Variants in PARP3 observed in about 807,000 individuals in gnomAD.
PARP3 encodes the protein protein mono-ADP-ribosyltransferase PARP3.
Under a neutral mutation model 58.2 loss-of-function variants are expected in PARP3, and 46 were observed. The ratio of observed to expected loss-of-function variants is 0.79; its 90% CI spans 0.62 to 1.01. PARP3 has a LOEUF of 1.01. Among genes scored for constraint, PARP3 ranks in the 50% least tolerant of loss-of-function variants. PARP3 has a pLI of 0.00. For synonymous variants in PARP3, 252 were observed against 266.4 expected (o/e 0.95, Z 0.53); for missense variants, 663 against 683.9 (o/e 0.97, Z 0.34).
Position 51,946,591 on chromosome 3 carries a change from G to T in PARP3, c.1276+248G>T, listed in dbSNP as rs1228006041. On this transcript the variant is annotated intron_variant, in intron 9 of 10. Transcript: ENST00000398755. The surrounding 1 kb of genome is among the most constrained non-coding windows in gnomAD (Gnocchi z 4.6). ...TGGGTGCACCAACCAGACCTGGGAG[G>T]GGGTAAAAGGGGAGCCTTTGAGCCA... 6.6e-6 allele frequency among the ~76,000 whole-genome samples: 1 copy of T among 152,076 alleles called. No individual in the cohort carries two copies. The highest frequency in any genetic ancestry group is 1.5e-5 in the Non-Finnish European group (1 of 68,008).
intron 10 of PARP3, 62 bp downstream of exon 10, chr3:51,947,957 AT>A: frequency 6.6e-7 from 1 of 1,522,080 alleles, no homozygotes; most frequent in Non-Finnish European, 9.0e-7. Flanking sequence ...GGGCTGGGAC[AT>A]TTTCAGGGAG....
intron 2 of PARP3, 40 bp downstream of exon 2, chr3:51,943,578 T>C (rs1186222968): frequency 1.3e-6 from 2 of 1,566,092 alleles, no homozygotes; most frequent in South Asian, 1.2e-5. Context: ...GCCTGCCCAC[T>C]GATAAGCACA....
intron 9 of PARP3, among the ~76,000 whole-genome samples, chr3:51,947,387 G>A (rs572340503): frequency 1.5e-4 from 23 of 152,266 alleles, no homozygotes; most frequent in African/African-American, 5.5e-4. Flanking sequence ...GAGTGGCGGG[G>A]TGGAGGGCTT....
Position 51,944,950 on chromosome 3 carries a change from G to T in PARP3, c.634+40G>T. On this transcript the variant is annotated intron_variant, in intron 5 of 10. Coordinates refer to ENST00000398755, the MANE Select transcript of PARP3 (RefSeq NM_001003931.4). This position sits in a 1 kb window ranked among gnomAD's most constrained non-coding sequence, Gnocchi z 4.2. ...GCAGGCAGGGTGGCAGGGGCCTCAG[G>T]GTGGCAGGGCTGTGGGGCTGAGTCT... 1 of 1,613,022 alleles carries T rather than the reference G, an allele frequency of 6.2e-7. No individual in the cohort carries two copies. Among genetic ancestry groups the T allele is most frequent in the Non-Finnish European group, 8.5e-7 (1 of 1,179,644 alleles).
intron 8 of PARP3, 54 bp downstream of exon 8, chr3:51,945,993 TCCTTGGCTAATCGGTC>T: frequency 2.0e-6 from 3 of 1,509,526 alleles, no homozygotes; most frequent in Non-Finnish European, 2.8e-6. Context: ...TAGGAAGATG[TCCTTGGCTAATCGGTC>T]CCTTAGCAAA....
In PARP3 at chr3:51,945,016, T is replaced by C. The variant is rs1699638635; in HGVS notation, c.653T>C (p.Leu218Pro). ...CCCCTAGATGTGAAGAAGATGCCCC[T>C]GGGAAAGCTGAGCAAGCAACAGATT... is the stretch of plus-strand genomic sequence containing the variant. ...LMDLDVKKMP[L>P]GKLSKQQIAR... is the part of the protein sequence containing the mutation. Residue 218 changes from leucine (L) to proline (P), a missense_variant, in exon 6 of 11, where the codon CTG becomes CCG. Transcript: ENST00000398755. 6.2e-7 allele frequency: 1 copy of C among 1,613,748 alleles called. No homozygotes were observed. The highest frequency in any genetic ancestry group is 1.3e-5 in the African/African-American group (1 of 74,856).
Position 51,947,813 on chromosome 3 carries a change from C to T in PARP3, c.1350C>T (p.His450=). 1 of 1,614,114 alleles carries T rather than the reference C, an allele frequency of 6.2e-7. No homozygotes were observed. The highest frequency in any genetic ancestry group is 8.5e-7 in the Non-Finnish European group (1 of 1,180,006). The change falls in exon 10 of 11, where the codon CAC becomes CAT. Residue 450 remains histidine, a synonymous_variant. Transcript: ENST00000398755. ...FLGEVALGRE[H]HINTDNPSLK... ...GTGAGGTGGCCCTGGGCAGAGAGCA[C>T]CATATCAACACGGACAACCCCAGCT...
rs755552511 is a variant in PARP3, at chr3:51,944,535, T to A, written c.458T>A (p.Ile153Asn). 2.5e-6 allele frequency: 4 copies of A among 1,614,052 alleles called. No individual in the cohort carries two copies. Among genetic ancestry groups the A allele is most frequent in the East Asian group, 4.5e-5 (2 of 44,896 alleles). Reference protein sequence around the residue: ...FVSHPGKYTLIEVQAEDEAQE... With the variant: ...FVSHPGKYTLNEVQAEDEAQE... The stretch of plus-strand genomic sequence containing the variant: ...TCTCACCCGGGCAAGTACACACTTA[T>A]CGAAGTACAGGCAGAGGATGAGGCC... Residue 153 changes from isoleucine to asparagine, a missense_variant, in exon 4 of 11, where the codon ATC becomes AAC. Physicochemically the swap from Ile to Asn is moderately radical, Grantham distance 149 (BLOSUM62 -3). This residue lies in a region of PARP3 where 567 missense variants were observed against 553.6 expected (regional missense o/e 1.02). Transcript: ENST00000398755. This position sits in a 1 kb window ranked among gnomAD's most constrained non-coding sequence, Gnocchi z 4.2.
chr3:51,945,824 C>T, intron 7 of PARP3, 29 bp from the exon 8 acceptor site: 1 of 1,601,620 alleles, frequency 6.2e-7, no homozygotes, highest in Non-Finnish European at 8.6e-7. Context: ...GCCTCCCACC[C>T]TGGCAACCAG....
Position 51,944,675 on chromosome 3 carries a change from A to T in PARP3, c.501+97A>T. The T allele has an allele frequency of 6.4e-7, 1 of 1,573,892 alleles. No individual in the cohort carries two copies. The highest frequency in any genetic ancestry group is 8.6e-7 in the Non-Finnish European group (1 of 1,156,240). On this transcript the variant is annotated intron_variant, in intron 4 of 10. Transcript: ENST00000398755. The surrounding 1 kb of genome is among the most constrained non-coding windows in gnomAD (Gnocchi z 4.2). ...GGGCTCTGCCACTGCCCAGCTGCGC[A>T]GCCTCAGCCACAGAACTCCCCTCTG...
intron 1 of PARP3, 93 bp from the exon 2 acceptor site, chr3:51,943,261 G>A (rs1699586003): frequency 7.6e-7 from 1 of 1,311,972 alleles, no homozygotes. Context: ...AGTTGGTGCT[G>A]TGCTGGCCCA....
intron 6 of PARP3, 53 bp downstream of exon 6, chr3:51,945,277 A>C: frequency 6.4e-7 from 1 of 1,558,674 alleles, no homozygotes; most frequent in Non-Finnish European, 8.8e-7. Flanking sequence ...CAGACAGCCT[A>C]GGCGAGCGAG....
chr3:51,944,830 T>C lies in PARP3; in HGVS notation c.554T>C (p.Leu185Pro). Residue 185 changes from leucine (L) to proline (P), a missense_variant, in exon 5 of 11, where the codon CTG (leucine) becomes CCG (proline). Leu to Pro is a moderately conservative substitution (Grantham distance 98). Transcript: ENST00000398755. The surrounding 1 kb of genome is among the most constrained non-coding windows in gnomAD (Gnocchi z 4.2). ...ACTAAGCGGGTGCAGCCCTGCTCCC[T>C]GGACCCAGCCACGCAGAAGCTCATC... ...TVTKRVQPCS[L>P]DPATQKLITN... 6.2e-7 allele frequency: 1 copy of C among 1,613,934 alleles called. No homozygotes were observed. The highest frequency in any genetic ancestry group is 8.5e-7 in the Non-Finnish European group (1 of 1,179,998).
rs747082212 is a variant in PARP3 at position 51,945,952 on chromosome 3, C to T, written c.1098+13C>T. On this transcript the variant is annotated intron_variant, in intron 8 of 10. Coordinates refer to ENST00000398755, the MANE Select transcript of PARP3 (RefSeq NM_001003931.4). ...CCAAGAAGGGGAGGTGAGGGAGGTT[C>T]CCCCACCTCTCCCCCATCACCACTG... is the stretch of plus-strand genomic sequence containing the variant. The T allele has an allele frequency of 1.2e-5, 19 of 1,602,826 alleles. No homozygotes were observed. The highest frequency in any genetic ancestry group is 2.2e-5 in the East Asian group (1 of 44,830).
At position 51,944,215 on chromosome 3, in the gene PARP3, G is replaced by A. The variant is rs756424008; in HGVS notation, c.310G>A (p.Val104Met). ...CACCTGCTGGAACCGCTGGGGCCGT[G>A]TGGTGAGTGCCCTGCCTGCTCTGCA... The part of the protein sequence containing the change: ...FFTCWNRWGR[V>M]GEVGQSKINH... The change falls in exon 3 of 11, where the codon GTG becomes ATG. Residue 104 changes from valine to methionine, a missense_variant and splice_region_variant. Transcript: ENST00000398755. This position sits in a 1 kb window ranked among gnomAD's most constrained non-coding sequence, Gnocchi z 4.2. 1 of 1,614,028 alleles carries A rather than the reference G, an allele frequency of 6.2e-7. No homozygotes were observed. Among genetic ancestry groups the A allele is most frequent in the Non-Finnish European group, 8.5e-7 (1 of 1,180,010 alleles).
In PARP3 at chr3:51,946,152, T is replaced by C. The variant is rs1304522886; in HGVS notation, c.1099-14T>C. ...GGTGGCATCACTCCCATTTCTCACT[T>C]CCTCTCCACTCAGGAAGACAGATTC... On this transcript the variant is annotated splice_polypyrimidine_tract_variant and intron_variant, in intron 8 of 10. Coordinates refer to ENST00000398755, the MANE Select transcript of PARP3 (RefSeq NM_001003931.4). The surrounding 1 kb of genome is among the most constrained non-coding windows in gnomAD (Gnocchi z 4.6). 1.9e-6 allele frequency: 3 copies of C among 1,577,332 alleles called. No individual in the cohort carries two copies. In the African/African-American group the frequency reaches 4.0e-5, roughly 21 times the overall value.
rs1447137163 is a variant in PARP3 at position 51,946,945 on chromosome 3, G to T, written c.1276+602G>T. Reference sequence around the variant, plus strand: ...GGCTTTATCCAGAGAGTGATGGTTAGCCCAGCTGGACTTGTCTGTAGCAGG... The same window carrying T: ...GGCTTTATCCAGAGAGTGATGGTTATCCCAGCTGGACTTGTCTGTAGCAGG... On this transcript the variant is annotated intron_variant, in intron 9 of 10. Coordinates refer to ENST00000398755, the MANE Select transcript of PARP3 (RefSeq NM_001003931.4). The surrounding 1 kb of genome is among the most constrained non-coding windows in gnomAD (Gnocchi z 4.6). 1.3e-5 allele frequency among the ~76,000 whole-genome samples: 2 copies of T among 152,228 alleles called. No individual in the cohort carries two copies. The highest frequency in any genetic ancestry group is 2.4e-5 in the African/African-American group (1 of 41,450).
Position 51,942,537 on chromosome 3 carries a change from G to A in PARP3, c.-174G>A. ...CCCCACTGGTGGCCAAATAGCCGAT[G>A]TCTAATCCCCCACACAAGCTCATCC... On this transcript the variant is annotated 5_prime_UTR_variant, in exon 1 of 11. The change abolishes an upstream ATG in the 5' untranslated region. Transcript: ENST00000398755. 2 of 712,182 alleles carry A rather than the reference G, an allele frequency of 2.8e-6. No homozygotes were observed. The highest frequency in any genetic ancestry group is 2.6e-6 in the Non-Finnish European group (1 of 384,036). The allele number at this position is 712,182 out of a possible 1,614,324, so 44.1% of individuals were successfully genotyped here.
rs1489708684 is a variant in PARP3, at chr3:51,944,750, C to T, written c.502-28C>T. On this transcript the variant is annotated intron_variant, in intron 4 of 10. Transcript: ENST00000398755. The surrounding 1 kb of genome is among the most constrained non-coding windows in gnomAD (Gnocchi z 4.2). ...TGGTGTCACGCCCTGCCCCGCTGCT[C>T]CTGCCCACATGTGCCCTCTATCTTC... The T allele has an allele frequency of 3.8e-6, 6 of 1,595,350 alleles. No homozygotes were observed. The highest frequency in any genetic ancestry group is 1.8e-5 in the Admixed American group (1 of 56,764).
Sources: gnomAD v4.1 joint callset for allele counts (sites outside exome capture counted in the v4.1 genomes callset) on GRCh38, gnomAD v4.1.1 for gene constraint, gnomAD v4.1.1 regional missense constraint, Gnocchi (gnomAD v3.1) non-coding constraint, MANE v1.5 for transcripts, NCBI Gene and HGNC (gene_info 2026-07-23, HGNC 2026-07-21) for gene names.